Variants in TNS1 observed in about 807,000 individuals in gnomAD.
TNS1 encodes tensin-1.
A neutral mutation model predicts 168.6 loss-of-function variants in TNS1; 62 were observed. The observed-to-expected ratio is 0.37, with a 90% confidence interval of 0.30 to 0.45. TNS1 has a LOEUF of 0.45. TNS1 is among the 20% of genes least tolerant of loss of function. TNS1 has a pLI of 1.00. For missense variants in TNS1, 2,240 were observed against 2,339.4 expected (o/e 0.96, Z 0.88); for synonymous variants, 934 against 933.2 (o/e 1.00, Z -0.02).
intron 11 of TNS1, among the ~76,000 whole-genome samples, chr2:217,892,638 G>A (rs1951852937): frequency 6.6e-6 from 1 of 152,146 alleles, no homozygotes; most frequent in African/African-American, 2.4e-5. Context: ...GCTGGCCCAG[G>A]GAAAAAGAAG....
chr2:217,980,833 G>T (rs1414132310), intron 2 of TNS1, among the ~76,000 whole-genome samples: 1 of 152,032 alleles, frequency 6.6e-6, no homozygotes, highest in East Asian at 1.9e-4. Context: ...CTTGGCACTT[G>T]CTGTGTCAGC....
intron 3 of TNS1, among the ~76,000 whole-genome samples, chr2:217,951,407 A>C (rs935690933): frequency 2.0e-5 from 3 of 152,176 alleles, no homozygotes; most frequent in African/African-American, 7.2e-5. Flanking sequence ...CTGTTCCTAG[A>C]GCTTTGTGGG....
chr2:217,847,398 C>T (rs1946798271), intron 19 of TNS1, 112 bp downstream of exon 19: 1 of 1,083,880 alleles, frequency 9.2e-7, no homozygotes, highest in Non-Finnish European at 1.2e-6. Context: ...TGAGAGCCTC[C>T]TCCCACCAGT....
intron 18 of TNS1, among the ~76,000 whole-genome samples, chr2:217,878,491 A>G (rs1950396410): frequency 6.6e-6 from 1 of 152,150 alleles, no homozygotes; most frequent in South Asian, 2.1e-4. Flanking sequence ...TTTGGACATA[A>G]TAAGAGTCAT....
At position 217,850,258 on chromosome 2, in the gene TNS1, T is replaced by A. The variant is rs963490675; in HGVS notation, c.1430-1171A>T. 2.1e-5 allele frequency: 21 copies of A among 985,204 alleles called. No individual in the cohort carries two copies. In the African/African-American group the frequency reaches 3.5e-4, roughly 16 times the overall value. The allele number at this position is 985,204 out of a possible 1,614,324, so 61.0% of individuals were successfully genotyped here. A position where few individuals can be genotyped will look rare whatever the true frequency, so the allele number is the denominator to read the frequency against. ...GGCTCAGCCAAGCCAACAGTCCCTG[T>A]GCCAGAGGGGACACGCTTTTCCTAT... On this transcript the variant is annotated intron_variant, in intron 18 of 32. Transcript: ENST00000682258.
chr2:217,910,591 C>T (rs1048579883), intron 4 of TNS1, among the ~76,000 whole-genome samples: 1 of 152,144 alleles, frequency 6.6e-6, no homozygotes, highest in South Asian at 2.1e-4. Flanking sequence ...GTGGGAAGCC[C>T]TACCATTGAC....
intron 18 of TNS1, among the ~76,000 whole-genome samples, chr2:217,863,107 A>T (rs995879923): frequency 6.6e-6 from 1 of 152,196 alleles, no homozygotes; most frequent in Admixed American, 6.5e-5. Context: ...GGTATAAAGC[A>T]ACATTCCTGG....
rs149340421 is a variant in TNS1 at position 217,818,108 on chromosome 2, G to A, written c.4224C>T (p.Leu1408=). 9.4e-5 allele frequency: 151 copies of A among 1,613,894 alleles called. No individual in the cohort carries two copies. The African/African-American group carries it at 1.3e-3, about 14-fold the overall frequency. ...CGGGAACCACAGATCCAGACCCTCC[G>A]AGGTGACGGCCCAGGCTGGGGCTTC... ...SPGSPSLGRH[L]GGSGSVVPGS... is the part of the protein sequence containing the mutation. Residue 1408 remains leucine, a synonymous_variant, in exon 24 of 33, where the codon CTC becomes CTT. Transcript: ENST00000682258.
rs1408550884 is a variant in TNS1 at position 217,802,298 on chromosome 2, G to T, written c.*2161C>A. On this transcript the variant is annotated 3_prime_UTR_variant, in exon 33 of 33. Transcript: ENST00000682258. Reference sequence around the variant, plus strand: ...CAAGGTTTCACTCTGGGAAGCAGGGGGTGGCCAGTGGGGCCTCTGCCCCTG... The same window carrying T: ...CAAGGTTTCACTCTGGGAAGCAGGGTGTGGCCAGTGGGGCCTCTGCCCCTG... 4 of 150,354 alleles carry T rather than the reference G, an allele frequency of 2.7e-5. No homozygotes were observed. The highest frequency in any genetic ancestry group is 1.0e-4 in the African/African-American group (4 of 39,692). 9.3% of individuals were successfully genotyped at this position (150,354 alleles called of 1,614,324 possible). A position where few individuals can be genotyped will look rare whatever the true frequency, so the allele number is the denominator to read the frequency against.
At chr2:217,810,089 C>T in intron 29 of TNS1, 98 bp from the exon 30 acceptor site, 1 of 1,498,642 alleles carries the variant, frequency 6.7e-7, no homozygotes, top group Non-Finnish European at 9.1e-7. Context: ...AGATAAATTT[C>T]AGGCTAGCCT....
intron 6 of TNS1, among the ~76,000 whole-genome samples, chr2:217,904,968 G>C (rs991701298): frequency 6.6e-6 from 1 of 152,170 alleles, no homozygotes; most frequent in African/African-American, 2.4e-5. Flanking sequence ...GGATGGAGTG[G>C]CATTCACCAA....
At position 218,002,923 on chromosome 2, in the gene TNS1, T is replaced by G; in HGVS notation, c.-51A>C. ...ACGCCCAGGGCCTGTGAAGAGCCCC[T>G]GAAGCTAGAGTCCCCGCGGCGCTGG... On this transcript the variant is annotated 5_prime_UTR_variant, in exon 1 of 33. Transcript: ENST00000682258. The G allele has an allele frequency of 2.2e-6, 1 of 456,634 alleles. No homozygotes were observed. The highest frequency in any genetic ancestry group is 1.5e-5 in the South Asian group (1 of 64,562). 28.3% of individuals were successfully genotyped at this position (456,634 alleles called of 1,614,324 possible).
At chr2:217,970,986 CAAG>C (rs1429963841) in intron 3 of TNS1, among the ~76,000 whole-genome samples, 1 of 152,014 alleles carries the variant, frequency 6.6e-6, no homozygotes, top group African/African-American at 2.4e-5. Flanking sequence ...TAGCACTGGC[CAAG>C]AAGACAGAGC....
At chr2:218,013,235 G>A (rs146283847), upstream of TNS1, among the ~76,000 whole-genome samples, 2,898 of 151,068 alleles carry the variant, frequency 0.019, 141 homozygotes, top group Admixed American at 0.093. Context: ...CAGCCTGGGT[G>A]ACAGAGCGAG....
At chr2:217,931,880 A>G (rs1008959054) in intron 3 of TNS1, among the ~76,000 whole-genome samples, 2 of 152,172 alleles carry the variant, frequency 1.3e-5, no homozygotes, top group African/African-American at 4.8e-5. Context: ...CGGGTTCCCT[A>G]TGCTGCCTGT....
intron 25 of TNS1, among the ~76,000 whole-genome samples, chr2:217,814,529 T>G (rs749851042): frequency 6.6e-6 from 1 of 152,166 alleles, no homozygotes; most frequent in African/African-American, 2.4e-5. Flanking sequence ...CTGACCCCTG[T>G]CCCACACCCA....
Position 217,807,982 on chromosome 2 carries a change from C to A in TNS1, c.5375+93G>T. On this transcript the variant is annotated intron_variant, in intron 32 of 32. Coordinates refer to ENST00000682258, the MANE Select transcript of TNS1 (RefSeq NM_001387777.1). ...AAAGGTTTTTGCTGCTCTTTCCCTACCCCCAGCCCTGGTTTCTAAATGTGC... is the reference window on the plus strand; with the variant it reads ...AAAGGTTTTTGCTGCTCTTTCCCTAACCCCAGCCCTGGTTTCTAAATGTGC... 1.1e-5 allele frequency: 16 copies of A among 1,476,088 alleles called. 1 individual carries two copies. The South Asian group carries it at 1.8e-4, about 16-fold the overall frequency. The allele number at this position is 1,476,088 out of a possible 1,614,324, so 91.4% of individuals were successfully genotyped here.
intron 4 of TNS1, among the ~76,000 whole-genome samples, chr2:217,909,602 C>CACAT (rs1033923617): frequency 6.6e-6 from 1 of 150,984 alleles, no homozygotes; most frequent in Non-Finnish European, 1.5e-5. Context: ...CACACACACA[C>CACAT]AGTTAGACCT....
chr2:217,822,944 C>T (rs1384522414), intron 22 of TNS1, among the ~76,000 whole-genome samples: 2 of 152,228 alleles, frequency 1.3e-5, no homozygotes, highest in Non-Finnish European at 2.9e-5. Flanking sequence ...CACCCTGTCC[C>T]TGTCTTACCC....
Sources: allele counts gnomAD v4.1 joint callset (sites outside exome capture counted in the v4.1 genomes callset), GRCh38; gene constraint gnomAD v4.1.1; transcripts MANE v1.5; gene names NCBI Gene and HGNC (gene_info 2026-07-23, HGNC 2026-07-21).